The following NTN1 variants were observed in gnomAD, a reference collection of about 807,000 sequenced individuals.
NTN1 encodes netrin 1, also known as netrin-1.
A neutral mutation model predicts 54.2 loss-of-function variants in NTN1; 11 were observed. The observed-to-expected ratio is 0.20, with a 90% confidence interval of 0.13 to 0.34. The LOEUF (loss-of-function observed/expected upper bound fraction) is 0.34, where lower values mean the gene tolerates loss of function less well. Among genes scored for constraint, NTN1 ranks in the 10% least tolerant of loss-of-function variants. NTN1 has a pLI of 1.00. For missense variants in NTN1, 740 were observed against 893.1 expected, an observed-to-expected ratio of 0.83 and a Z score of 2.18; for synonymous variants, 371 against 382.0, an observed-to-expected ratio of 0.97 and a Z score of 0.33.
At chr17:9,095,673 G>T (rs903309519) in intron 2 of NTN1, among the ~76,000 whole-genome samples, 1 of 152,154 alleles carries the variant, frequency 6.6e-6, no homozygotes, top group African/African-American at 2.4e-5. Flanking sequence ...TTTGCATTTT[G>T]TTTCCAGATG....
intron 2 of NTN1, among the ~76,000 whole-genome samples, chr17:9,144,784 C>T (rs925631000): frequency 2.0e-5 from 3 of 152,228 alleles, no homozygotes; most frequent in South Asian, 2.1e-4. Context: ...GGAGGAAATG[C>T]GGTCCAGCTT....
chr17:9,211,886 T>A lies in NTN1; in HGVS notation c.1412-9282T>A, dbSNP rs570426626. 6.6e-6 allele frequency among the ~76,000 whole-genome samples: 1 copy of A among 152,358 alleles called. No homozygotes were observed. The highest frequency in any genetic ancestry group is 2.4e-5 in the African/African-American group (1 of 41,582). On this transcript the variant is annotated intron_variant, in intron 5 of 6. Transcript: ENST00000173229. The surrounding 1 kb of genome is among the most constrained non-coding windows in gnomAD (Gnocchi z 4.4). The stretch of plus-strand genomic sequence containing the variant: ...TGGTTGCTGTCTTTTTCTTAGTGAT[T>A]CAGAAGAGTTCTTTATATGTGAAAG...
At chr17:9,137,216 C>T (rs2142276249) in intron 2 of NTN1, among the ~76,000 whole-genome samples, 1 of 152,308 alleles carries the variant, frequency 6.6e-6, no homozygotes, top group East Asian at 1.9e-4. Flanking sequence ...TTTGTTCATG[C>T]ATCGTCTCCC....
At chr17:9,026,938 G>A (rs1030324192) in intron 2 of NTN1, among the ~76,000 whole-genome samples, 4 of 146,188 alleles carry the variant, frequency 2.7e-5, no homozygotes, top group Admixed American at 2.7e-4. Flanking sequence ...TCTGCAAGAC[G>A]AGCACCGTGC....
chr17:9,066,577 G>T (rs929314303), intron 2 of NTN1, among the ~76,000 whole-genome samples: 1 of 152,126 alleles, frequency 6.6e-6, no homozygotes, highest in African/African-American at 2.4e-5. Flanking sequence ...GCAGTGAGCT[G>T]AGATTGTGCC....
chr17:9,173,316 G>A (rs1382174548), intron 3 of NTN1: 2 of 152,272 alleles, frequency 1.3e-5, no homozygotes, highest in East Asian at 1.9e-4. Context: ...TGGGTGCTTG[G>A]ACACCTCTGT....
At chr17:9,092,166 A>T (rs1226116715) in intron 2 of NTN1, among the ~76,000 whole-genome samples, 1 of 152,044 alleles carries the variant, frequency 6.6e-6, no homozygotes, top group African/African-American at 2.4e-5. Context: ...CTGAGATTAC[A>T]GGTGTGAGCC....
At chr17:9,064,335 G>T (rs141569275) in intron 2 of NTN1, among the ~76,000 whole-genome samples, 1 of 152,064 alleles carries the variant, frequency 6.6e-6, no homozygotes, top group Admixed American at 6.6e-5. Flanking sequence ...GTAAATGACC[G>T]CTGCCATTTT....
chr17:9,086,306 C>G (rs2092089817), intron 2 of NTN1, among the ~76,000 whole-genome samples: 1 of 152,080 alleles, frequency 6.6e-6, no homozygotes, highest in Admixed American at 6.6e-5. Context: ...AGTTCGAGTC[C>G]AGCAGTTTGG....
intron 2 of NTN1, among the ~76,000 whole-genome samples, chr17:9,047,748 G>T (rs150685040): frequency 0.024 from 3,642 of 150,716 alleles, 154 homozygotes; most frequent in African/African-American, 0.084. Context: ...AGACTGGAGT[G>T]CAATGGCGCG....
At chr17:9,067,095 C>G (rs1006480824) in intron 2 of NTN1, among the ~76,000 whole-genome samples, 1 of 151,456 alleles carries the variant, frequency 6.6e-6, no homozygotes, top group Non-Finnish European at 1.5e-5. Flanking sequence ...GGCAAGACCC[C>G]GTCTCTGTAA....
At chr17:9,155,455 C>T (rs2092338933) in intron 2 of NTN1, among the ~76,000 whole-genome samples, 1 of 152,036 alleles carries the variant, frequency 6.6e-6, no homozygotes, top group African/African-American at 2.4e-5. Context: ...GATTCTCCTG[C>T]CTCATCCTCC....
At chr17:9,145,322 A>G (rs1452206991) in intron 2 of NTN1, among the ~76,000 whole-genome samples, 2 of 152,218 alleles carry the variant, frequency 1.3e-5, no homozygotes, top group African/African-American at 4.8e-5. Flanking sequence ...TAGGGTAAGA[A>G]AAAACATTTT....
At chr17:9,016,218 A>G in the NTN1 span, among the ~76,000 whole-genome samples, 1 of 152,116 alleles carries the variant, frequency 6.6e-6, no homozygotes, top group African/African-American at 2.4e-5. Context: ...AGACACCAGC[A>G]CTGGTCAGTC....
intron 2 of NTN1, among the ~76,000 whole-genome samples, chr17:9,114,386 G>C (rs1413809179): frequency 6.6e-6 from 1 of 150,832 alleles, no homozygotes; most frequent in Admixed American, 6.6e-5. Context: ...ATTACAAAAT[G>C]CATCTATTTC....
At chr17:9,203,143 G>C (rs888452191) in intron 5 of NTN1, among the ~76,000 whole-genome samples, 4 of 151,966 alleles carry the variant, frequency 2.6e-5, no homozygotes, top group African/African-American at 7.3e-5. Context: ...GGATGATCTC[G>C]ATCTCCTGAC....
At chr17:9,111,510 T>G (rs114769470) in intron 2 of NTN1, among the ~76,000 whole-genome samples, 5,805 of 151,828 alleles carry the variant, frequency 0.038, 379 homozygotes, top group African/African-American at 0.13. Flanking sequence ...GAGGCACAGT[T>G]CCCCCAGAGA....
the NTN1 span, among the ~76,000 whole-genome samples, chr17:9,007,470 C>T: frequency 6.9e-6 from 1 of 144,200 alleles, no homozygotes; most frequent in East Asian, 2.1e-4. Flanking sequence ...CCTTCTCTTT[C>T]TTTCATTCAT....
chr17:9,049,722 A>G (rs934088837), intron 2 of NTN1, among the ~76,000 whole-genome samples: 15 of 152,216 alleles, frequency 9.9e-5, no homozygotes, highest in African/African-American at 3.4e-4. Flanking sequence ...AGGCAGTGTA[A>G]GATTCTGAAT....
Sources: gnomAD v4.1 joint callset for allele counts (sites outside exome capture counted in the v4.1 genomes callset) on GRCh38, gnomAD v4.1.1 for gene constraint, Gnocchi (gnomAD v3.1) non-coding constraint, MANE v1.5 for transcripts, NCBI Gene and HGNC (gene_info 2026-07-23, HGNC 2026-07-21) for gene names.